The following CAMK2D variants were observed in gnomAD, a reference collection of about 807,000 sequenced individuals.
CAMK2D encodes the protein calcium/calmodulin-dependent protein kinase type II subunit delta.
In CAMK2D, 37 loss-of-function variants were observed where a neutral mutation model predicts 84.0. That is an observed-to-expected ratio of 0.44 (90% CI 0.34 to 0.58). CAMK2D has a LOEUF of 0.58. Among genes scored for constraint, CAMK2D ranks in the 20% least tolerant of loss-of-function variants. The pLI, the probability that CAMK2D is intolerant of heterozygous loss-of-function variation, is 0.02. For synonymous variants in CAMK2D, 202 were observed against 212.5 expected (o/e 0.95, Z 0.43); for missense variants, 448 against 652.5 (o/e 0.69, Z 3.41).
At chr4:113,709,746 G>GATATAT (rs397995032) in intron 2 of CAMK2D, among the ~76,000 whole-genome samples, 3,376 of 49,454 alleles carry the variant, frequency 0.068, 303 homozygotes, top group Middle Eastern at 0.087. Flanking sequence ...AGCCGTGAAC[G>GATATAT]ATATATATAT....
At chr4:113,484,988 G>A (rs1286994348) in intron 16 of CAMK2D, among the ~76,000 whole-genome samples, 1 of 152,122 alleles carries the variant, frequency 6.6e-6, no homozygotes, top group Non-Finnish European at 1.5e-5. Context: ...TAATATTGGA[G>A]TAATGTGAGG....
At position 113,477,227 on chromosome 4, in the gene CAMK2D, C is replaced by T. The variant is rs76326413; in HGVS notation, c.1136-11623G>A. Among the ~76,000 whole-genome samples, 948 of 152,240 alleles carry T rather than the reference C, an allele frequency of 6.2e-3. 28 individuals carry two copies. Among genetic ancestry groups the T allele is most frequent in the Admixed American group, 0.049 (755 of 15,286 alleles). On this transcript the variant is annotated intron_variant, in intron 16 of 20. Transcript: ENST00000511664. ...TGCATTTGAAAGCAATGATAAGACT[C>T]GTAGGCCCAAGAGCCATTTCCGTGC...
chr4:113,751,870 A>G (rs952245274), intron 2 of CAMK2D, among the ~76,000 whole-genome samples: 1 of 152,200 alleles, frequency 6.6e-6, no homozygotes, highest in Admixed American at 6.5e-5. Flanking sequence ...AGCATTGCCT[A>G]TATTTAAGAG....
chr4:113,701,035 TA>T (rs35921772), intron 2 of CAMK2D, among the ~76,000 whole-genome samples: 22,682 of 151,866 alleles, frequency 0.15, 2,829 homozygotes, highest in African/African-American at 0.34. Flanking sequence ...CAGGCACTGA[TA>T]AAAAAAAATT....
chr4:113,536,175 TATTAA>T (rs1369365658), intron 7 of CAMK2D, among the ~76,000 whole-genome samples: 51 of 152,280 alleles, frequency 3.3e-4, no homozygotes, highest in African/African-American at 1.2e-3. Context: ...AGTTTGGAGG[TATTAA>T]ATTCATCTAG....
intron 13 of CAMK2D, chr4:113,508,207 G>C: frequency 6.6e-7 from 1 of 1,504,902 alleles, no homozygotes; most frequent in Non-Finnish European, 9.1e-7. Context: ...ATTTTCACAG[G>C]AGGAGAAATC....
intron 2 of CAMK2D, among the ~76,000 whole-genome samples, chr4:113,743,580 C>T (rs2099597747): frequency 6.6e-6 from 1 of 152,176 alleles, no homozygotes; most frequent in Non-Finnish European, 1.5e-5. Flanking sequence ...TCGGTATGTG[C>T]TGTTTTCTCA....
chr4:113,671,356 G>C (rs1401339886), intron 2 of CAMK2D, among the ~76,000 whole-genome samples: 1 of 152,166 alleles, frequency 6.6e-6, no homozygotes, highest in Non-Finnish European at 1.5e-5. Flanking sequence ...TCTCCTGAGA[G>C]GTAACTGTGA....
At chr4:113,672,597 T>C (rs2099294052) in intron 2 of CAMK2D, among the ~76,000 whole-genome samples, 1 of 151,968 alleles carries the variant, frequency 6.6e-6, no homozygotes, top group Non-Finnish European at 1.5e-5. Context: ...AATGAAGTTA[T>C]CATTGATTGA....
intron 3 of CAMK2D, among the ~76,000 whole-genome samples, chr4:113,645,174 G>A (rs1195302088): frequency 3.3e-5 from 5 of 151,918 alleles, no homozygotes; most frequent in African/African-American, 1.2e-4. Flanking sequence ...CCGCCACCAC[G>A]CCCAGCTAAT....
chr4:113,539,131 T>C (rs917881423), intron 6 of CAMK2D, among the ~76,000 whole-genome samples: 3 of 152,214 alleles, frequency 2.0e-5, no homozygotes, highest in Non-Finnish European at 4.4e-5. Context: ...TGACATTTTA[T>C]TTTTGCAATG....
chr4:113,572,889 G>GT (rs1449568167), intron 4 of CAMK2D, among the ~76,000 whole-genome samples: 1 of 152,188 alleles, frequency 6.6e-6, no homozygotes, highest in Non-Finnish European at 1.5e-5. Flanking sequence ...CATGTCTTTT[G>GT]TGGGAACATG....
At chr4:113,478,086 A>G (rs2097652871) in intron 16 of CAMK2D, among the ~76,000 whole-genome samples, 1 of 152,208 alleles carries the variant, frequency 6.6e-6, no homozygotes, top group African/African-American at 2.4e-5. Context: ...ACTGAGATTA[A>G]GACAATAGTA....
chr4:113,585,009 A>T (rs2098827451), intron 4 of CAMK2D, among the ~76,000 whole-genome samples: 1 of 152,152 alleles, frequency 6.6e-6, no homozygotes, highest in Admixed American at 6.5e-5. Context: ...GTCCCACACC[A>T]GCTTGCTGTC....
chr4:113,638,066 C>T (rs932156476), intron 3 of CAMK2D, among the ~76,000 whole-genome samples: 3 of 152,192 alleles, frequency 2.0e-5, no homozygotes, highest in Non-Finnish European at 4.4e-5. Context: ...AGCTTCAGAG[C>T]TGGCTCCCCT....
intron 3 of CAMK2D, among the ~76,000 whole-genome samples, chr4:113,616,770 T>C (rs532805831): frequency 6.6e-6 from 1 of 152,310 alleles, no homozygotes; most frequent in East Asian, 1.9e-4. Flanking sequence ...CATGTAATAC[T>C]CTGTCCTGCT....
chr4:113,534,178 T>C (rs2098475158), intron 7 of CAMK2D, among the ~76,000 whole-genome samples: 1 of 152,132 alleles, frequency 6.6e-6, no homozygotes, highest in Non-Finnish European at 1.5e-5. Flanking sequence ...TAATGGCAGA[T>C]CATAATGAAT....
At chr4:113,713,960 T>A (rs1479178681) in intron 2 of CAMK2D, among the ~76,000 whole-genome samples, 1 of 151,986 alleles carries the variant, frequency 6.6e-6, no homozygotes, top group Non-Finnish European at 1.5e-5. Flanking sequence ...ACTGATGGCA[T>A]CTGTTTTTTG....
At chr4:113,512,295 G>T (rs980546324) in intron 12 of CAMK2D, among the ~76,000 whole-genome samples, 1 of 152,108 alleles carries the variant, frequency 6.6e-6, no homozygotes, top group African/African-American at 2.4e-5. Context: ...GTAATTTCTT[G>T]GAGTAATATA....
Sources: gnomAD v4.1 joint callset for allele counts (sites outside exome capture counted in the v4.1 genomes callset) on GRCh38, gnomAD v4.1.1 for gene constraint, MANE v1.5 for transcripts, NCBI Gene and HGNC (gene_info 2026-07-23, HGNC 2026-07-21) for gene names.